The following WWOX variants were observed in gnomAD, a reference collection of about 807,000 sequenced individuals.
The protein encoded by WWOX is WW domain containing oxidoreductase, also known as WW domain-containing oxidoreductase.
In WWOX, 69 loss-of-function variants were observed where a neutral mutation model predicts 46.2. The observed-to-expected ratio is 1.49, with a 90% CI of 1.23 to 1.82. WWOX has a LOEUF of 1.82. Ranked by LOEUF, WWOX falls within the 40% of genes most tolerant of loss-of-function variation. The probability of loss-of-function intolerance (pLI) is 0.00; values close to 1 mark genes in which losing one functional copy is unlikely to be tolerated. For missense variants in WWOX, 919 were observed against 542.6 expected, an observed-to-expected ratio of 1.69 and a Z score of -6.89; for synonymous variants, 359 against 202.6, an observed-to-expected ratio of 1.77 and a Z score of -6.56.
intron 8 of WWOX, among the ~76,000 whole-genome samples, chr16:78,598,950 G>A (rs552382766): frequency 6.6e-6 from 1 of 152,318 alleles, no homozygotes; most frequent in Non-Finnish European, 1.5e-5. Flanking sequence ...TGAAGCACAG[G>A]AAGTTTCAGT....
At chr16:78,330,130 C>T (rs920027037) in intron 5 of WWOX, among the ~76,000 whole-genome samples, 1 of 152,060 alleles carries the variant, frequency 6.6e-6, no homozygotes, top group Non-Finnish European at 1.5e-5. Flanking sequence ...TACCTAAATG[C>T]CTAAACGTTT....
At chr16:78,791,539 C>G (rs2050600562) in intron 8 of WWOX, among the ~76,000 whole-genome samples, 1 of 152,088 alleles carries the variant, frequency 6.6e-6, no homozygotes, top group Admixed American at 6.5e-5. Context: ...TTTCACTGCT[C>G]TAAGGATCAT....
chr16:78,634,013 G>C (rs368336033), intron 8 of WWOX, among the ~76,000 whole-genome samples: 1 of 151,554 alleles, frequency 6.6e-6, no homozygotes. Context: ...GGCAACCCTC[G>C]AGCCAACTGA....
chr16:79,191,297 C>G (rs1279014252), intron 8 of WWOX, among the ~76,000 whole-genome samples: 1 of 152,144 alleles, frequency 6.6e-6, no homozygotes, highest in Non-Finnish European at 1.5e-5. Flanking sequence ...CTCAGGCAAT[C>G]TGCCCGCCTC....
At chr16:78,626,582 T>A (rs1340119959) in intron 8 of WWOX, among the ~76,000 whole-genome samples, 1 of 152,188 alleles carries the variant, frequency 6.6e-6, no homozygotes, top group African/African-American at 2.4e-5. Flanking sequence ...GTGACTCTGA[T>A]TCACCTGGTC....
At chr16:78,975,813 G>A (rs1402990758) in intron 8 of WWOX, among the ~76,000 whole-genome samples, 1 of 152,120 alleles carries the variant, frequency 6.6e-6, no homozygotes, top group Non-Finnish European at 1.5e-5. Flanking sequence ...CTTGGAGGGT[G>A]GGAGGAAACA....
chr16:78,810,981 C>T (rs138922788), intron 8 of WWOX, among the ~76,000 whole-genome samples: 35 of 152,180 alleles, frequency 2.3e-4, no homozygotes, highest in African/African-American at 7.9e-4. Flanking sequence ...TTTGGTGAAC[C>T]GAGGACGCAT....
At chr16:78,314,546 C>T (rs1418052228) in intron 5 of WWOX, among the ~76,000 whole-genome samples, 3 of 135,294 alleles carry the variant, frequency 2.2e-5, no homozygotes, top group Non-Finnish European at 3.1e-5. Context: ...TTTTTTGAGT[C>T]GGAGTTTTGC....
At chr16:78,304,034 G>A (rs1239077040) in intron 5 of WWOX, among the ~76,000 whole-genome samples, 1 of 152,180 alleles carries the variant, frequency 6.6e-6, no homozygotes, top group Non-Finnish European at 1.5e-5. Context: ...AGCTTTAAAG[G>A]AGCCAGCCCT....
Position 78,638,893 on chromosome 16 carries a change from G to C in WWOX, c.1056+206141G>C, listed in dbSNP as rs2046638314. Among the ~76,000 whole-genome samples, 4 of 152,058 alleles carry C rather than the reference G, an allele frequency of 2.6e-5. No homozygotes were observed. In the South Asian group the frequency reaches 6.2e-4, roughly 24 times the overall value. ...TTTGCAAGCTTTAGTCCTAGGCATGGAAAAAGAACTTTGAAGAAAACCTGA... is the reference window on the plus strand; with the variant it reads ...TTTGCAAGCTTTAGTCCTAGGCATGCAAAAAGAACTTTGAAGAAAACCTGA... On this transcript the variant is annotated intron_variant, in intron 8 of 8. Coordinates refer to ENST00000566780, the MANE Select transcript of WWOX (RefSeq NM_016373.4).
chr16:78,725,927 C>G (rs892385304), intron 8 of WWOX, among the ~76,000 whole-genome samples: 4 of 151,706 alleles, frequency 2.6e-5, no homozygotes, highest in Non-Finnish European at 4.4e-5. Context: ...TCTTTTTTCT[C>G]CTTTCCTTTT....
intron 8 of WWOX, among the ~76,000 whole-genome samples, chr16:79,190,513 C>A (rs1351537360): frequency 1.3e-5 from 2 of 152,160 alleles, no homozygotes; most frequent in Non-Finnish European, 2.9e-5. Context: ...AGGCCTCACA[C>A]CCTCTGGCTC....
At chr16:79,199,944 A>G (rs2051314486) in intron 8 of WWOX, among the ~76,000 whole-genome samples, 1 of 152,154 alleles carries the variant, frequency 6.6e-6, no homozygotes, top group African/African-American at 2.4e-5. Flanking sequence ...CCCCATTGTC[A>G]TGAGTTCATC....
intron 8 of WWOX, among the ~76,000 whole-genome samples, chr16:78,968,274 CTG>C (rs2046403192): frequency 6.6e-6 from 1 of 152,252 alleles, no homozygotes; most frequent in Non-Finnish European, 1.5e-5. Context: ...TATCCAGAAA[CTG>C]TGCCCCATAG....
chr16:78,515,412 G>T (rs1394193144), intron 8 of WWOX, among the ~76,000 whole-genome samples: 1 of 152,060 alleles, frequency 6.6e-6, no homozygotes, highest in African/African-American at 2.4e-5. Flanking sequence ...GAATTAAATG[G>T]CATATCTGTG....
chr16:78,396,134 A>G (rs557590249), intron 6 of WWOX, among the ~76,000 whole-genome samples: 1 of 152,346 alleles, frequency 6.6e-6, no homozygotes, highest in South Asian at 2.1e-4. Context: ...GATTGGAAAT[A>G]AAGCTTATGC....
chr16:78,491,734 T>TATTTGTAAGCTGGGAGATGGGAGCTGA (rs1365686070), intron 8 of WWOX, among the ~76,000 whole-genome samples: 6 of 152,210 alleles, frequency 3.9e-5, no homozygotes, highest in Non-Finnish European at 8.8e-5. Context: ...AACTGGAGTT[T>TATTTGTAAGCTGGGAGATGGGAGCTGA]ATTTGTAAGC....
intron 5 of WWOX, among the ~76,000 whole-genome samples, chr16:78,373,802 T>C (rs1320001806): frequency 6.6e-6 from 1 of 152,192 alleles, no homozygotes; most frequent in Non-Finnish European, 1.5e-5. Context: ...TATATGTATA[T>C]TTTTTGAGAC....
intron 8 of WWOX, among the ~76,000 whole-genome samples, chr16:78,536,561 C>T (rs2043764238): frequency 6.6e-6 from 1 of 152,064 alleles, no homozygotes; most frequent in South Asian, 2.1e-4. Context: ...TTACATATCC[C>T]AGTGTATATG....
Sources: gnomAD v4.1 joint callset for allele counts (sites outside exome capture counted in the v4.1 genomes callset) on GRCh38, gnomAD v4.1.1 for gene constraint, MANE v1.5 for transcripts, NCBI Gene and HGNC (gene_info 2026-07-23, HGNC 2026-07-21) for gene names.